The following MAGI2 variants were observed in gnomAD, a reference collection of about 807,000 sequenced individuals.
The protein encoded by MAGI2 is membrane associated guanylate kinase, WW and PDZ domain containing 2, also known as membrane-associated guanylate kinase, WW and PDZ domain-containing protein 2.
Under a neutral mutation model 133.3 loss-of-function variants are expected in MAGI2, and 35 were observed. That is an observed-to-expected ratio of 0.26 (90% CI 0.20 to 0.35). MAGI2 has a LOEUF of 0.35. Ranked by LOEUF, MAGI2 falls within the 10% of genes least tolerant of loss-of-function variation. The pLI is 1.00. For missense variants in MAGI2, 1,636 were observed against 1,863.4 expected, an observed-to-expected ratio of 0.88 and a Z score of 2.25; for synonymous variants, 729 against 710.6, an observed-to-expected ratio of 1.03 and a Z score of -0.41.
intron 1 of MAGI2, among the ~76,000 whole-genome samples, chr7:79,298,666 C>T (rs909617170): frequency 6.6e-6 from 1 of 151,906 alleles, no homozygotes; most frequent in Admixed American, 6.6e-5. Flanking sequence ...TTGTGTCCCC[C>T]CAAAATTCAT....
intron 2 of MAGI2, among the ~76,000 whole-genome samples, chr7:78,717,007 G>C (rs1237477165): frequency 6.6e-6 from 1 of 152,098 alleles, no homozygotes; most frequent in African/African-American, 2.4e-5. Flanking sequence ...TTGTGGGACA[G>C]GTCCCAGGCC....
At chr7:78,148,601 GA>G (rs1430983715) in intron 16 of MAGI2, among the ~76,000 whole-genome samples, 2 of 152,178 alleles carry the variant, frequency 1.3e-5, no homozygotes, top group South Asian at 2.1e-4. Context: ...GTGAGCAGGG[GA>G]AAGTGTAAGG....
chr7:79,314,747 C>G (rs527555009), intron 1 of MAGI2, among the ~76,000 whole-genome samples: 22 of 152,214 alleles, frequency 1.4e-4, no homozygotes, highest in African/African-American at 3.9e-4. Context: ...TGTGACCAAT[C>G]AAACTACATA....
chr7:78,390,075 T>G (rs1327081330), intron 6 of MAGI2, among the ~76,000 whole-genome samples: 1 of 152,240 alleles, frequency 6.6e-6, no homozygotes, highest in Admixed American at 6.5e-5. Context: ...AACACCATAT[T>G]TTATGCTTTC....
At chr7:78,533,659 T>G (rs756145541) in intron 3 of MAGI2, among the ~76,000 whole-genome samples, 1 of 152,168 alleles carries the variant, frequency 6.6e-6, no homozygotes, top group Non-Finnish European at 1.5e-5. Flanking sequence ...TAAATATAAA[T>G]TGCACACTAG....
chr7:78,541,755 G>T (rs1324617098), intron 3 of MAGI2, among the ~76,000 whole-genome samples: 1 of 152,142 alleles, frequency 6.6e-6, no homozygotes, highest in Admixed American at 6.5e-5. Flanking sequence ...TGTCTTTGAA[G>T]ATTCCCTTAA....
At chr7:78,194,815 C>A (rs1334827885) in intron 12 of MAGI2, 59 bp downstream of exon 12, 6 of 1,376,382 alleles carry the variant, frequency 4.4e-6, no homozygotes, top group Non-Finnish European at 5.9e-6. Context: ...CTCAATATAT[C>A]TCCTGGCAGG....
chr7:78,307,512 C>A (rs1378751355), intron 9 of MAGI2, among the ~76,000 whole-genome samples: 1 of 152,148 alleles, frequency 6.6e-6, no homozygotes. Flanking sequence ...TGCAGCTTCC[C>A]TGTGTACCTA....
chr7:78,783,012 C>CTTT (rs11432048), intron 2 of MAGI2, among the ~76,000 whole-genome samples: 1,146 of 95,944 alleles, frequency 0.012, 17 homozygotes, highest in African/African-American at 0.038. Flanking sequence ...TGATTCTTAC[C>CTTT]TTTTTTTTTT....
At chr7:79,067,109 A>T (rs777755338) in intron 1 of MAGI2, among the ~76,000 whole-genome samples, 8 of 152,266 alleles carry the variant, frequency 5.3e-5, no homozygotes, top group Middle Eastern at 6.8e-3. Context: ...TTGCTTCCAT[A>T]TTAAATATAA....
intron 3 of MAGI2, among the ~76,000 whole-genome samples, chr7:78,620,061 A>G (rs969585178): frequency 1.3e-5 from 2 of 151,982 alleles, no homozygotes; most frequent in African/African-American, 4.8e-5. Flanking sequence ...CTTACACAGT[A>G]AAAATTTCCT....
intron 3 of MAGI2, among the ~76,000 whole-genome samples, chr7:78,564,760 C>A (rs1435219615): frequency 1.6e-5 from 2 of 126,072 alleles, no homozygotes; most frequent in African/African-American, 5.9e-5. Flanking sequence ...GGGCAAGTTA[C>A]TTCATCTCAT....
intron 10 of MAGI2, among the ~76,000 whole-genome samples, chr7:78,214,785 T>A (rs1161327836): frequency 1.3e-5 from 2 of 152,210 alleles, no homozygotes; most frequent in Admixed American, 1.3e-4. Context: ...TGCAATGTAT[T>A]TTCTCATAAC....
rs1239281556 is a variant in MAGI2, at chr7:79,310,475, T to G, written c.301+142545A>C. ...ATTTGATATGCCTGGGATCCAGAGA[T>G]CTGCATTTTAACAAATACTCCAGGA... On this transcript the variant is annotated intron_variant, in intron 1 of 21. Transcript: ENST00000354212. Among the ~76,000 whole-genome samples the G allele has an allele frequency of 7.2e-5, 11 of 152,248 alleles. No individual in the cohort carries two copies. In the East Asian group the frequency reaches 2.1e-3, roughly 29 times the overall value.
At chr7:78,524,260 G>A (rs1224112545) in intron 3 of MAGI2, among the ~76,000 whole-genome samples, 2 of 152,124 alleles carry the variant, frequency 1.3e-5, no homozygotes, top group African/African-American at 2.4e-5. Context: ...ACCCCGCCCC[G>A]GCAGAAAGGG....
intron 6 of MAGI2, among the ~76,000 whole-genome samples, chr7:78,421,553 C>T (rs1022140262): frequency 7.9e-5 from 12 of 152,198 alleles, no homozygotes; most frequent in Non-Finnish European, 2.9e-5. Flanking sequence ...CTGGCTCACG[C>T]CTATAATCCC....
chr7:78,134,879 A>T (rs1489080954), intron 17 of MAGI2, 142 bp downstream of exon 17: 1 of 674,868 alleles, frequency 1.5e-6, no homozygotes, highest in Admixed American at 2.9e-5. Flanking sequence ...CAAAAGTGGA[A>T]ATAATAATCA....
At chr7:79,111,736 G>T (rs1004145141) in intron 1 of MAGI2, among the ~76,000 whole-genome samples, 9 of 151,798 alleles carry the variant, frequency 5.9e-5, no homozygotes, top group Non-Finnish European at 1.3e-4. Flanking sequence ...GCACGATCTC[G>T]GCTCACTGCA....
At chr7:78,369,056 G>A in intron 7 of MAGI2, 100 bp downstream of exon 7, 10 of 755,900 alleles carry the variant, frequency 1.3e-5, no homozygotes, top group Non-Finnish European at 2.1e-5. Context: ...AGATGAAAGG[G>A]AAATGAAGGG....
Sources: allele counts gnomAD v4.1 joint callset (sites outside exome capture counted in the v4.1 genomes callset), GRCh38; gene constraint gnomAD v4.1.1; transcripts MANE v1.5; gene names NCBI Gene and HGNC (gene_info 2026-07-23, HGNC 2026-07-21).